Variants in CFAP36 observed in about 807,000 individuals in gnomAD.
CFAP36 encodes the protein cilia and flagella associated protein 36.
Under a neutral mutation model 50.5 loss-of-function variants are expected in CFAP36, and 37 were observed. The observed-to-expected ratio is 0.73, with a 90% CI of 0.56 to 0.96. The LOEUF is 0.96. Among genes scored for constraint, CFAP36 ranks in the 50% least tolerant of loss-of-function variants. The pLI is 0.00. For synonymous variants in CFAP36, 138 were observed against 128.2 expected, an observed-to-expected ratio of 1.08 and a Z score of -0.52; for missense variants, 407 against 396.2, an observed-to-expected ratio of 1.03 and a Z score of -0.23.
chr2:55,519,941 A>G lies in CFAP36; in HGVS notation c.115+25A>G, dbSNP rs79501524. 207 of 1,605,234 alleles carry G rather than the reference A, an allele frequency of 1.3e-4. No individual in the cohort carries two copies. The African/African-American group carries it at 1.9e-3, about 14-fold the overall frequency. The stretch of plus-strand genomic sequence containing the variant: ...GGTAAAAACCAGAGCCCGAACCGAC[A>G]ATCCTTTTCTCCTCTCTCACACCAG... On this transcript the variant is annotated intron_variant, in intron 1 of 9. Coordinates refer to ENST00000349456, the MANE Select transcript of CFAP36 (RefSeq NM_080667.7).
rs746276940 is a variant in CFAP36 at position 55,535,724 on chromosome 2, G to A, written c.498G>A (p.Glu166=). 6.5e-7 allele frequency: 1 copy of A among 1,534,704 alleles called. No homozygotes were observed. The highest frequency in any genetic ancestry group is 1.3e-5 in the South Asian group (1 of 76,076). Reference sequence around the variant, plus strand: ...TTGTATATTTCAGAAAATCAAAAGAGGAATATGACCAGGAAGAAGAAAGGA... The same window carrying A: ...TTGTATATTTCAGAAAATCAAAAGAAGAATATGACCAGGAAGAAGAAAGGA... ...ILREVLRKSK[E]EYDQEEERKR... Residue 166 remains glutamate, a synonymous_variant, in exon 6 of 10, where the codon GAG becomes GAA. Coordinates refer to ENST00000349456, the MANE Select transcript of CFAP36 (RefSeq NM_080667.7).
chr2:55,534,056 G>A, intron 5 of CFAP36, 96 bp downstream of exon 5: 1 of 589,754 alleles, frequency 1.7e-6, no homozygotes, highest in East Asian at 3.1e-5. Flanking sequence ...TAATAAAATT[G>A]CTAAATTCTC....
At chr2:55,537,613 CTAATAATAT>C in intron 7 of CFAP36, 28 bp downstream of exon 7, 3 of 1,351,564 alleles carry the variant, frequency 2.2e-6, no homozygotes, top group Non-Finnish European at 3.1e-6. Context: ...TGAACTTTCT[CTAATAATAT>C]GAATACATAA....
intron 7 of CFAP36, 41 bp from the exon 8 acceptor site, chr2:55,543,897 T>A: frequency 2.6e-6 from 4 of 1,540,316 alleles, no homozygotes; most frequent in Non-Finnish European, 3.6e-6. Flanking sequence ...AAAATATTTC[T>A]CATAATATTC....
At chr2:55,535,365 G>C (rs1684453543) in intron 5 of CFAP36, among the ~76,000 whole-genome samples, 1 of 152,164 alleles carries the variant, frequency 6.6e-6, no homozygotes, top group Non-Finnish European at 1.5e-5. Context: ...GGGTGTAATT[G>C]ATCACTCTAA....
chr2:55,531,324 T>C (rs1030354338), intron 4 of CFAP36: 3 of 152,240 alleles, frequency 2.0e-5, no homozygotes, highest in African/African-American at 7.2e-5. Context: ...ATAGTGAACT[T>C]GACAATGGCA....
chr2:55,539,259 T>G (rs898376310), intron 7 of CFAP36: 1 of 152,658 alleles, frequency 6.6e-6, no homozygotes, highest in Admixed American at 6.5e-5. Context: ...AAATTCTTTG[T>G]GCTCTGCCTA....
chr2:55,537,685 G>C (rs549464035), intron 7 of CFAP36, 100 bp downstream of exon 7: 7 of 778,474 alleles, frequency 9.0e-6, no homozygotes, highest in Admixed American at 5.9e-5. Flanking sequence ...CAAAAGCCCT[G>C]GGAGGGAGTA....
chr2:55,526,569 G>A (rs1256201780), intron 3 of CFAP36, among the ~76,000 whole-genome samples: 1 of 152,158 alleles, frequency 6.6e-6, no homozygotes, highest in Non-Finnish European at 1.5e-5. Flanking sequence ...AGCCTCCTGA[G>A]TAGCTAGGAC....
intron 4 of CFAP36, among the ~76,000 whole-genome samples, chr2:55,532,772 T>C (rs1684386212): frequency 6.6e-6 from 1 of 152,244 alleles, no homozygotes; most frequent in Admixed American, 6.5e-5. Context: ...CCTACAGTCA[T>C]ATGTGGATAA....
chr2:55,520,123 A>G (rs1684019773), intron 1 of CFAP36, among the ~76,000 whole-genome samples: 1 of 151,976 alleles, frequency 6.6e-6, no homozygotes, highest in South Asian at 2.1e-4. Context: ...CACCCTGCCA[A>G]TGTGTTCCTT....
At chr2:55,544,683 C>T (rs575117465) in intron 9 of CFAP36, among the ~76,000 whole-genome samples, 9 of 152,124 alleles carry the variant, frequency 5.9e-5, no homozygotes, top group Non-Finnish European at 1.3e-4. Flanking sequence ...AGAGCAGCAT[C>T]AGTACCACCT....
At chr2:55,522,036 T>A in intron 1 of CFAP36, 66 bp from the exon 2 acceptor site, 1 of 804,660 alleles carries the variant, frequency 1.2e-6, no homozygotes, top group Non-Finnish European at 2.0e-6. Context: ...AAGGAGTGGA[T>A]TTTTAAATTT....
intron 7 of CFAP36, among the ~76,000 whole-genome samples, chr2:55,538,416 T>TC (rs1239308911): frequency 6.6e-6 from 1 of 151,278 alleles, no homozygotes; most frequent in Non-Finnish European, 1.5e-5. Flanking sequence ...TGCCTTAGCC[T>TC]CCTGAGTAGC....
intron 1 of CFAP36, among the ~76,000 whole-genome samples, 161 bp from the exon 2 acceptor site, chr2:55,521,941 T>TA (rs1265555116): frequency 6.6e-6 from 1 of 152,168 alleles, no homozygotes; most frequent in Non-Finnish European, 1.5e-5. Context: ...ATAGTATATA[T>TA]TTTTAGATAT....
chr2:55,524,992 A>C (rs983823372), intron 3 of CFAP36, among the ~76,000 whole-genome samples: 2 of 151,540 alleles, frequency 1.3e-5, no homozygotes, highest in African/African-American at 4.8e-5. Flanking sequence ...AAAAAAAAAC[A>C]AAAAAGAAAT....
chr2:55,533,398 G>T (rs1684400905), intron 4 of CFAP36, among the ~76,000 whole-genome samples: 1 of 152,070 alleles, frequency 6.6e-6, no homozygotes, highest in Non-Finnish European at 1.5e-5. Flanking sequence ...ATAGGAAAAG[G>T]CTTAAAAGAT....
intron 6 of CFAP36, among the ~76,000 whole-genome samples, chr2:55,536,682 C>T (rs1418987714): frequency 6.6e-6 from 1 of 152,106 alleles, no homozygotes; most frequent in Non-Finnish European, 1.5e-5. Context: ...GAACTCCTGA[C>T]CTCATGTGAT....
At chr2:55,533,850 A>G (rs369003491) in intron 4 of CFAP36, 23 bp from the exon 5 acceptor site, 1 of 1,475,648 alleles carries the variant, frequency 6.8e-7, no homozygotes, top group African/African-American at 1.4e-5. Flanking sequence ...ATACTATTTC[A>G]TGTGGTCTTT....
Sources: gnomAD v4.1 joint callset for allele counts (sites outside exome capture counted in the v4.1 genomes callset) on GRCh38, gnomAD v4.1.1 for gene constraint, MANE v1.5 for transcripts, NCBI Gene and HGNC (gene_info 2026-07-23, HGNC 2026-07-21) for gene names.